MCMDC2: variants seen among roughly 807,000 people sequenced by gnomAD.
The protein encoded by MCMDC2 is minichromosome maintenance domain containing 2.
Under a neutral mutation model 75.8 loss-of-function variants are expected in MCMDC2, and 54 were observed. The ratio of observed to expected loss-of-function variants is 0.71; its 90% CI spans 0.57 to 0.89. MCMDC2 has a LOEUF of 0.89. Among genes scored for constraint, MCMDC2 ranks in the 40% least tolerant of loss-of-function variants. The probability of loss-of-function intolerance (pLI) is 0.00; values close to 1 mark genes in which losing one functional copy is unlikely to be tolerated. For synonymous variants in MCMDC2, 249 were observed against 274.6 expected, an observed-to-expected ratio of 0.91 and a Z score of 0.92; for missense variants, 656 against 780.4, an observed-to-expected ratio of 0.84 and a Z score of 1.90.
intron 10 of MCMDC2, among the ~76,000 whole-genome samples, chr8:66,893,644 C>T (rs1181355933): frequency 6.6e-6 from 1 of 152,152 alleles, no homozygotes; most frequent in Non-Finnish European, 1.5e-5. Context: ...ATTCAGTTAC[C>T]TCCCACCAGG....
At chr8:66,889,712 T>A (rs953854847) in intron 9 of MCMDC2, among the ~76,000 whole-genome samples, 6 of 151,914 alleles carry the variant, frequency 3.9e-5, no homozygotes, top group African/African-American at 1.2e-4. Flanking sequence ...GGAAGGAGAA[T>A]CGTTTGAGCC....
chr8:66,915,219 C>T (rs1462525298), intron 14 of MCMDC2, among the ~76,000 whole-genome samples: 1 of 151,884 alleles, frequency 6.6e-6, no homozygotes, highest in South Asian at 2.1e-4. Flanking sequence ...TTTGGGAGGC[C>T]AAGGTGGGCA....
At position 66,878,970 on chromosome 8, in the gene MCMDC2, G is replaced by A. The variant is rs760282415; in HGVS notation, c.709+51G>A. ...AAAAAATTGCTATAAATATGTAATT[G>A]GCTGGGCACAGTGGCTGGCTCATGC... On this transcript the variant is annotated intron_variant, in intron 7 of 14. Transcript: ENST00000422365. 24 of 1,161,084 alleles carry A rather than the reference G, an allele frequency of 2.1e-5. No individual in the cohort carries two copies. In the Admixed American group the frequency reaches 4.5e-4, roughly 22 times the overall value. 71.9% of individuals were successfully genotyped at this position (1,161,084 alleles called of 1,614,324 possible).
At chr8:66,899,560 A>G (rs1408737557) in intron 12 of MCMDC2, among the ~76,000 whole-genome samples, 1 of 151,960 alleles carries the variant, frequency 6.6e-6, no homozygotes, top group African/African-American at 2.4e-5. Flanking sequence ...CAGAGGCGCC[A>G]TCTTGGCTCA....
chr8:66,922,893 T>C (rs1253749369), downstream of MCMDC2, among the ~76,000 whole-genome samples: 7 of 152,238 alleles, frequency 4.6e-5, no homozygotes, highest in Non-Finnish European at 8.8e-5. Flanking sequence ...ACTATTATTC[T>C]ATTACCTGTT....
At chr8:66,883,679 G>A in intron 8 of MCMDC2, 78 bp from the exon 9 acceptor site, 1 of 744,774 alleles carries the variant, frequency 1.3e-6, no homozygotes, top group Non-Finnish European at 2.2e-6. Flanking sequence ...TAACATTTTA[G>A]ATAAAGGGAG....
intron 9 of MCMDC2, chr8:66,884,248 T>TC (rs1811728153): frequency 1.9e-6 from 1 of 520,514 alleles, no homozygotes; most frequent in African/African-American, 1.9e-5. Flanking sequence ...AGCCTTCCTT[T>TC]CCCCCTATTC....
intron 9 of MCMDC2, chr8:66,884,256 T>G: frequency 2.0e-6 from 1 of 512,570 alleles, no homozygotes; most frequent in Non-Finnish European, 3.4e-6. Context: ...TTTCCCCCTA[T>G]TCCCTAGCTC....
chr8:66,908,833 A>C (rs1425008012), intron 14 of MCMDC2, among the ~76,000 whole-genome samples: 4 of 152,154 alleles, frequency 2.6e-5, no homozygotes, highest in African/African-American at 9.7e-5. Flanking sequence ...CTGGTCTCAA[A>C]CTGTCAAGAC....
chr8:66,890,826 TTAAA>T, intron 9 of MCMDC2, 35 bp from the exon 10 acceptor site: 1 of 1,521,934 alleles, frequency 6.6e-7, no homozygotes, highest in Non-Finnish European at 9.0e-7. Flanking sequence ...CTTTTGAAAA[TTAAA>T]TAATAGTAAT....
At chr8:66,906,280 T>C (rs1812900562) in intron 14 of MCMDC2, among the ~76,000 whole-genome samples, 1 of 152,192 alleles carries the variant, frequency 6.6e-6, no homozygotes, top group Non-Finnish European at 1.5e-5. Context: ...CCCTGGGACT[T>C]AAAGAATGTA....
At chr8:66,878,792 TA>T (rs769802141) in intron 6 of MCMDC2, 22 bp from the exon 7 acceptor site, 29 of 1,509,762 alleles carry the variant, frequency 1.9e-5, no homozygotes, top group Non-Finnish European at 2.3e-5. Flanking sequence ...AATATCTAAT[TA>T]TTTTTTGCTC....
chr8:66,902,771 CTA>C (rs1812758536), intron 13 of MCMDC2, among the ~76,000 whole-genome samples: 3 of 133,548 alleles, frequency 2.2e-5, no homozygotes, highest in Non-Finnish European at 4.7e-5. Flanking sequence ...TAAACTGAGA[CTA>C]TGTGAGTTCA....
chr8:66,881,708 G>A (rs1354325100), intron 8 of MCMDC2, among the ~76,000 whole-genome samples: 1 of 151,894 alleles, frequency 6.6e-6, no homozygotes, highest in Non-Finnish European at 1.5e-5. Context: ...AATAAAAAGC[G>A]TCCTTTTCCT....
chr8:66,898,347 C>T (rs1812457586), intron 12 of MCMDC2, among the ~76,000 whole-genome samples: 1 of 151,870 alleles, frequency 6.6e-6, no homozygotes, highest in South Asian at 2.1e-4. Flanking sequence ...AGATATAGGC[C>T]AGGCAAGGTG....
rs533412373 is a variant in MCMDC2 at position 66,908,911 on chromosome 8, C to G, written c.1879+3576C>G. On this transcript the variant is annotated intron_variant, in intron 14 of 14. Transcript: ENST00000422365. ...TGCAGGTGTGAGCTACCACGCCCAG[C>G]CATATGGCTGAATATATTTACTTAG... 4.5e-4 allele frequency among the ~76,000 whole-genome samples: 68 copies of G among 152,328 alleles called. 1 individual carries two copies. Among genetic ancestry groups the G allele is most frequent in the Non-Finnish European group, 6.9e-4 (47 of 68,034 alleles).
Position 66,905,783 on chromosome 8 carries a change from G to T in MCMDC2, c.1879+448G>T, listed in dbSNP as rs1211910198. 2.6e-5 allele frequency among the ~76,000 whole-genome samples: 4 copies of T among 152,176 alleles called. No homozygotes were observed. In the East Asian group the frequency reaches 7.7e-4, roughly 29 times the overall value. On this transcript the variant is annotated intron_variant, in intron 14 of 14. Transcript: ENST00000422365. The stretch of plus-strand genomic sequence containing the variant: ...GCACCTTGGGAGGCCGAGACAGATG[G>T]ATCACAAGGTCAGGAGATCAAGACC...
At chr8:66,907,150 T>C (rs1812938766) in intron 14 of MCMDC2, among the ~76,000 whole-genome samples, 1 of 152,036 alleles carries the variant, frequency 6.6e-6, no homozygotes, top group African/African-American at 2.4e-5. Context: ...GCCATGGCGG[T>C]TTGCTGCACC....
chr8:66,915,452 A>C (rs1323061556), intron 14 of MCMDC2, among the ~76,000 whole-genome samples: 1 of 129,758 alleles, frequency 7.7e-6, no homozygotes, highest in African/African-American at 2.8e-5. Context: ...ACTCCGTCTC[A>C]AAAAAAAAAA....
Sources: gnomAD v4.1 joint callset for allele counts (sites outside exome capture counted in the v4.1 genomes callset) on GRCh38, gnomAD v4.1.1 for gene constraint, MANE v1.5 for transcripts, NCBI Gene and HGNC (gene_info 2026-07-23, HGNC 2026-07-21) for gene names.